Variants in VAV2 observed in about 807,000 individuals in gnomAD.
The protein encoded by VAV2 is vav guanine nucleotide exchange factor 2.
VAV2 carries 67 observed loss-of-function variants against 132.5 expected under a neutral mutation model. The observed-to-expected ratio is 0.51, with a 90% CI of 0.42 to 0.62. The LOEUF is 0.62. VAV2 is among the 20% of genes least tolerant of loss of function. The pLI, the probability that VAV2 is intolerant of heterozygous loss-of-function variation, is 0.00. For missense variants in VAV2, 938 were observed against 1,153.6 expected, an observed-to-expected ratio of 0.81 and a Z score of 2.71; for synonymous variants, 492 against 443.5, an observed-to-expected ratio of 1.11 and a Z score of -1.37.
chr9:133,801,451 C>T (rs1834926299), intron 9 of VAV2, among the ~76,000 whole-genome samples: 1 of 152,328 alleles, frequency 6.6e-6, no homozygotes, highest in African/African-American at 2.4e-5. Context: ...CCCTCAGGGC[C>T]CCAGGGTGAC....
At chr9:133,898,036 G>C (rs1483538613) in intron 2 of VAV2, among the ~76,000 whole-genome samples, 1 of 152,088 alleles carries the variant, frequency 6.6e-6, no homozygotes, top group African/African-American at 2.4e-5. Flanking sequence ...GACAGACCAC[G>C]CAAAGCCTCC....
intron 2 of VAV2, among the ~76,000 whole-genome samples, chr9:133,910,421 C>T (rs528558205): frequency 1.7e-4 from 26 of 152,228 alleles, no homozygotes; most frequent in African/African-American, 3.6e-4. Context: ...GGGCACCGTG[C>T]GGTGGGCTCT....
At chr9:133,973,798 TGCG>T (rs1842419345) in intron 1 of VAV2, among the ~76,000 whole-genome samples, 2 of 152,146 alleles carry the variant, frequency 1.3e-5, no homozygotes, top group Non-Finnish European at 2.9e-5. Flanking sequence ...AAAGGACACC[TGCG>T]TGTCCCTAAA....
Position 133,794,075 on chromosome 9 carries a change from C to G in VAV2, c.1101+1593G>C, listed in dbSNP as rs1834608204. Among the ~76,000 whole-genome samples the G allele has an allele frequency of 6.6e-6, 1 of 152,104 alleles. No homozygotes were observed. Among genetic ancestry groups the G allele is most frequent in the South Asian group, 2.1e-4 (1 of 4,820 alleles). Reference sequence around the variant, plus strand: ...CATCCCGTCGAGGGGCTCAGAGCCACTCGCCAGCCAGACACCGAGTGCTGA... The same window carrying G: ...CATCCCGTCGAGGGGCTCAGAGCCAGTCGCCAGCCAGACACCGAGTGCTGA... On this transcript the variant is annotated intron_variant, in intron 12 of 29. Coordinates refer to ENST00000371850, the MANE Select transcript of VAV2 (RefSeq NM_001134398.2). This position sits in a 1 kb window ranked among gnomAD's most constrained non-coding sequence, Gnocchi z 4.6.
chr9:133,965,430 T>G (rs572069193), intron 1 of VAV2, among the ~76,000 whole-genome samples: 1 of 146,448 alleles, frequency 6.8e-6, no homozygotes, highest in Non-Finnish European at 1.5e-5. Flanking sequence ...ACCCACGAGA[T>G]GAAGGTTGCA....
chr9:133,813,254 G>A (rs1391221826), intron 4 of VAV2, among the ~76,000 whole-genome samples: 5 of 152,244 alleles, frequency 3.3e-5, no homozygotes, highest in Admixed American at 3.3e-4. Flanking sequence ...GGGTGGCAAA[G>A]TTCACTGCTA....
intron 2 of VAV2, among the ~76,000 whole-genome samples, chr9:133,889,765 A>C (rs77288944): frequency 3.3e-5 from 4 of 122,232 alleles, no homozygotes; most frequent in South Asian, 2.7e-4. Flanking sequence ...CACACACAAA[A>C]AATTTTTTTC....
At chr9:133,874,307 ACT>A (rs1441899473) in intron 2 of VAV2, among the ~76,000 whole-genome samples, 1 of 152,036 alleles carries the variant, frequency 6.6e-6, no homozygotes, top group African/African-American at 2.4e-5. Context: ...TCCCAGAGAC[ACT>A]CCCCAGCCCC....
At chr9:133,799,225 C>A (rs1834837829) in intron 9 of VAV2, among the ~76,000 whole-genome samples, 2 of 152,212 alleles carry the variant, frequency 1.3e-5, no homozygotes, top group African/African-American at 2.4e-5. Context: ...TTGGAGCTGG[C>A]TCAGGCACAG....
At chr9:133,817,688 T>A (rs1354423268) in intron 4 of VAV2, among the ~76,000 whole-genome samples, 1 of 152,196 alleles carries the variant, frequency 6.6e-6, no homozygotes, top group Non-Finnish European at 1.5e-5. Context: ...CCCTCTGCCG[T>A]GTGCAACTTT....
At chr9:133,967,933 C>CA (rs34152925) in intron 1 of VAV2, among the ~76,000 whole-genome samples, 26,913 of 71,506 alleles carry the variant, frequency 0.38, 3,525 homozygotes, top group East Asian at 0.52. Context: ...ACTCTATAAC[C>CA]AAAAAAAAAA....
chr9:133,971,319 C>A (rs1842326888), intron 1 of VAV2, among the ~76,000 whole-genome samples: 1 of 152,146 alleles, frequency 6.6e-6, no homozygotes, highest in Non-Finnish European at 1.5e-5. Context: ...GTCGCCACGG[C>A]AGCCCAGGGG....
chr9:133,768,178 G>T lies in VAV2; in HGVS notation c.2589+264C>A, dbSNP rs944226259. ...GAATAAAAATGGAACAGGGTCGGGG[G>T]GTTCCTAGGAGCCTGGATCCGCATC... is the stretch of plus-strand genomic sequence containing the variant. On this transcript the variant is annotated intron_variant, in intron 29 of 29. Transcript: ENST00000371850. This position sits in a 1 kb window ranked among gnomAD's most constrained non-coding sequence, Gnocchi z 5.3. Among the ~76,000 whole-genome samples the T allele has an allele frequency of 1.6e-4, 24 of 152,156 alleles. No homozygotes were observed. The highest frequency in any genetic ancestry group is 3.2e-4 in the Non-Finnish European group (22 of 68,004).
chr9:133,861,341 C>A lies in VAV2; in HGVS notation c.380+33G>T, dbSNP rs562192837. On this transcript the variant is annotated intron_variant, in intron 3 of 29. Coordinates refer to ENST00000371850, the MANE Select transcript of VAV2 (RefSeq NM_001134398.2). The stretch of plus-strand genomic sequence containing the variant: ...GCTGGTGTCGATGGAGATGAAAGGA[C>A]CCGGCCTTGGCAGCGCACTCCGGAG... The A allele has an allele frequency of 1.9e-6, 3 of 1,595,852 alleles. No homozygotes were observed. In the African/African-American group the frequency reaches 4.0e-5, roughly 21 times the overall value.
chr9:133,870,594 C>T (rs1190672296), intron 2 of VAV2, among the ~76,000 whole-genome samples: 1 of 152,098 alleles, frequency 6.6e-6, no homozygotes, highest in African/African-American at 2.4e-5. Context: ...TCTGAGAGAC[C>T]ACCTGAGCCT....
chr9:133,971,791 GAAT>G (rs1842342666), intron 1 of VAV2, among the ~76,000 whole-genome samples: 1 of 152,172 alleles, frequency 6.6e-6, no homozygotes, highest in South Asian at 2.1e-4. Flanking sequence ...CCCGGGTCCT[GAAT>G]CACAATGGGG....
chr9:133,788,396 G>A lies in VAV2; in HGVS notation c.1365C>T (p.His455=), dbSNP rs139002299. ...TGTTCATGGGGTCGTCGGTCATCTT[G>A]TGGAACAGCAGCTCGATGATCTCCT... ...ELKEIIELLF[H]KMTDDPMNNK... is the part of the protein sequence containing the mutation. Residue 455 remains histidine, a synonymous_variant, in exon 15 of 30, where the codon CAC becomes CAT. Coordinates refer to ENST00000371850, the MANE Select transcript of VAV2 (RefSeq NM_001134398.2). The surrounding 1 kb of genome is among the most constrained non-coding windows in gnomAD (Gnocchi z 5.3). 1.7e-3 allele frequency: 2,675 copies of A among 1,611,954 alleles called. 5 individuals carry two copies. Among genetic ancestry groups the A allele is most frequent in the East Asian group, 2.1e-3 (93 of 44,760 alleles).
intron 2 of VAV2, among the ~76,000 whole-genome samples, chr9:133,875,563 C>T (rs1224668230): frequency 1.3e-5 from 2 of 152,212 alleles, no homozygotes; most frequent in Non-Finnish European, 1.5e-5. Context: ...AAGAAACAGG[C>T]GATCCCCTTG....
intron 2 of VAV2, among the ~76,000 whole-genome samples, chr9:133,888,865 A>C (rs1192522227): frequency 6.6e-6 from 1 of 152,050 alleles, no homozygotes; most frequent in Non-Finnish European, 1.5e-5. Context: ...AATTTCCCCC[A>C]CCTCAGAAAC....
Sources: gnomAD v4.1 joint callset for allele counts (sites outside exome capture counted in the v4.1 genomes callset) on GRCh38, gnomAD v4.1.1 for gene constraint, Gnocchi (gnomAD v3.1) non-coding constraint, MANE v1.5 for transcripts, NCBI Gene and HGNC (gene_info 2026-07-23, HGNC 2026-07-21) for gene names.